Variants in MACROD2 observed in about 807,000 individuals in gnomAD.
The protein encoded by MACROD2 is ADP-ribose glycohydrolase MACROD2.
In MACROD2, 36 loss-of-function variants were observed where a neutral mutation model predicts 70.4. The ratio of observed to expected loss-of-function variants is 0.51; its 90% CI spans 0.39 to 0.68. The LOEUF (loss-of-function observed/expected upper bound fraction) is 0.68, where lower values mean the gene tolerates loss of function less well. MACROD2 is among the 30% of genes least tolerant of loss of function. MACROD2 has a pLI of 0.00. For missense variants in MACROD2, 496 were observed against 538.4 expected (o/e 0.92, Z 0.78); for synonymous variants, 172 against 178.8 (o/e 0.96, Z 0.30).
intron 5 of MACROD2, among the ~76,000 whole-genome samples, chr20:15,221,722 T>C (rs1002198800): frequency 3.3e-5 from 5 of 152,174 alleles, no homozygotes; most frequent in African/African-American, 4.8e-5. Flanking sequence ...TTGGTAGAAA[T>C]TGATTGAATG....
intron 5 of MACROD2, among the ~76,000 whole-genome samples, chr20:15,152,515 C>G (rs895558019): frequency 6.6e-6 from 1 of 151,378 alleles, no homozygotes; most frequent in Admixed American, 6.6e-5. Flanking sequence ...AATAAGGGAT[C>G]GGGGCACAGA....
At chr20:14,582,662 G>A (rs899017731) in intron 4 of MACROD2, among the ~76,000 whole-genome samples, 1 of 152,076 alleles carries the variant, frequency 6.6e-6, no homozygotes, top group Admixed American at 6.5e-5. Flanking sequence ...TACAGTTAGG[G>A]TCCCAGTGTA....
intron 4 of MACROD2, among the ~76,000 whole-genome samples, chr20:14,497,353 C>A (rs1286603001): frequency 1.3e-5 from 2 of 151,676 alleles, no homozygotes; most frequent in Non-Finnish European, 2.9e-5. Flanking sequence ...GTTGTACATG[C>A]ACAAGGTCCT....
intron 3 of MACROD2, among the ~76,000 whole-genome samples, chr20:14,129,540 T>C (rs1367965727): frequency 2.0e-5 from 3 of 152,192 alleles, no homozygotes; most frequent in Non-Finnish European, 4.4e-5. Flanking sequence ...ACTTAGTTGA[T>C]AAAGCAGAGC....
intron 16 of MACROD2, among the ~76,000 whole-genome samples, chr20:16,044,203 TAGA>T (rs1157242404): frequency 1.3e-5 from 2 of 151,970 alleles, no homozygotes; most frequent in African/African-American, 4.8e-5. Flanking sequence ...GAAGCAAGAC[TAGA>T]AGCAACGTGT....
intron 8 of MACROD2, among the ~76,000 whole-genome samples, chr20:15,849,318 A>G (rs2064270174): frequency 6.6e-6 from 1 of 152,212 alleles, no homozygotes; most frequent in African/African-American, 2.4e-5. Context: ...CTTGAGAAAA[A>G]CAGCTTTTGT....
intron 13 of MACROD2, among the ~76,000 whole-genome samples, chr20:15,986,491 T>G (rs184934402): frequency 6.6e-6 from 1 of 152,232 alleles, no homozygotes; most frequent in Non-Finnish European, 1.5e-5. Flanking sequence ...TAAGTAAGTA[T>G]GCCAATTTTG....
intron 10 of MACROD2, among the ~76,000 whole-genome samples, chr20:15,896,910 CT>C (rs2064981670): frequency 1.3e-5 from 2 of 152,120 alleles, no homozygotes; most frequent in South Asian, 4.1e-4. Flanking sequence ...ATAATGCCAT[CT>C]GTGAACCAGC....
intron 5 of MACROD2, among the ~76,000 whole-genome samples, chr20:14,800,396 G>T (rs960770024): frequency 6.6e-6 from 1 of 152,014 alleles, no homozygotes; most frequent in African/African-American, 2.4e-5. Context: ...CTATGTTGAT[G>T]ATTTTAAATG....
At chr20:15,877,152 C>T (rs965638650) in intron 9 of MACROD2, among the ~76,000 whole-genome samples, 3 of 152,278 alleles carry the variant, frequency 2.0e-5, no homozygotes, top group African/African-American at 7.2e-5. Context: ...TTCTGACCGT[C>T]ATCTGTGTCC....
rs542644315 is a variant in MACROD2, at chr20:15,997,320, C to A, written c.1153+10162C>A. On this transcript the variant is annotated intron_variant, in intron 15 of 17. Transcript: ENST00000684519. ...TTTGGGCATTTTAACAACATTAATT[C>A]TTTTGATTCATAAGTATGGAATATC... is the stretch of plus-strand genomic sequence containing the variant. Among the ~76,000 whole-genome samples, 9 of 152,126 alleles carry A rather than the reference C, an allele frequency of 5.9e-5. No homozygotes were observed. The South Asian group carries it at 1.9e-3, about 32-fold the overall frequency.
At chr20:14,709,012 G>C (rs1331393396) in intron 5 of MACROD2, among the ~76,000 whole-genome samples, 1 of 152,098 alleles carries the variant, frequency 6.6e-6, no homozygotes, top group Non-Finnish European at 1.5e-5. Context: ...AGTGTGGGTT[G>C]ATGTGAGCAG....
rs530835572 is a variant in MACROD2 at position 14,693,504 on chromosome 20, G to A, written c.418+8545G>A. ...CTCCCTGTGTTAAGATGTTCCTTGA[G>A]CTATTACTTACATATATGATTTGAT... On this transcript the variant is annotated intron_variant, in intron 5 of 17. Transcript: ENST00000684519. Among the ~76,000 whole-genome samples, 60 of 152,256 alleles carry A rather than the reference G, an allele frequency of 3.9e-4. No homozygotes were observed. The Middle Eastern group carries it at 0.01, about 26-fold the overall frequency.
intron 4 of MACROD2, among the ~76,000 whole-genome samples, chr20:14,514,729 A>G (rs1378692280): frequency 6.6e-6 from 1 of 152,076 alleles, no homozygotes; most frequent in Admixed American, 6.6e-5. Context: ...AATGGCGCCA[A>G]TACCTTGTGA....
chr20:14,335,405 A>T (rs1374085039), intron 3 of MACROD2, among the ~76,000 whole-genome samples: 1 of 152,236 alleles, frequency 6.6e-6, no homozygotes, highest in Non-Finnish European at 1.5e-5. Context: ...ACACTGCTTC[A>T]TTTAGCTCTG....
rs546104399 is a variant in MACROD2, at chr20:15,822,847, G to A, written c.646-39898G>A. Among the ~76,000 whole-genome samples the A allele has an allele frequency of 2.6e-5, 4 of 152,280 alleles. No individual in the cohort carries two copies. In the South Asian group the frequency reaches 8.3e-4, roughly 32 times the overall value. ...ACCGCAGATACAGCAGATAAGGGAG[G>A]AAGAGGTGGATTATCTACCTCAGTG... On this transcript the variant is annotated intron_variant, in intron 8 of 17. Transcript: ENST00000684519.
In MACROD2 at chr20:14,263,817, A is replaced by G. The variant is rs549824576; in HGVS notation, c.271+178089A>G. On this transcript the variant is annotated intron_variant, in intron 3 of 17. Coordinates refer to ENST00000684519, the MANE Select transcript of MACROD2 (RefSeq NM_001351661.2). ...CTCCACACACACACACACACAACAAAAAGTTAGCTGGGCGTGGTGGCCTGC... is the reference window on the plus strand; with the variant it reads ...CTCCACACACACACACACACAACAAGAAGTTAGCTGGGCGTGGTGGCCTGC... 2.0e-5 allele frequency among the ~76,000 whole-genome samples: 3 copies of G among 149,568 alleles called. No homozygotes were observed. The East Asian group carries it at 5.9e-4, about 30-fold the overall frequency.
intron 8 of MACROD2, among the ~76,000 whole-genome samples, chr20:15,731,757 TTA>T (rs2050946184): frequency 2.4e-5 from 1 of 42,464 alleles, no homozygotes. Context: ...TTTTTTCTTT[TTA>T]TTTTTTTTTT....
At chr20:15,806,209 C>T (rs958003906) in intron 8 of MACROD2, among the ~76,000 whole-genome samples, 7 of 152,144 alleles carry the variant, frequency 4.6e-5, no homozygotes, top group African/African-American at 1.4e-4. Context: ...AACAATAGAC[C>T]TTCTAATGAG....
Sources: allele counts gnomAD v4.1 joint callset (sites outside exome capture counted in the v4.1 genomes callset), GRCh38; gene constraint gnomAD v4.1.1; transcripts MANE v1.5; gene names NCBI Gene and HGNC (gene_info 2026-07-23, HGNC 2026-07-21).